Variants in ARID4B observed in about 807,000 individuals in gnomAD.
ARID4B encodes AT-rich interactive domain-containing protein 4B.
A neutral mutation model predicts 147.5 loss-of-function variants in ARID4B; 26 were observed. The ratio of observed to expected loss-of-function variants is 0.18; its 90% CI spans 0.13 to 0.24. ARID4B has a LOEUF of 0.24. Ranked by LOEUF, ARID4B falls within the 10% of genes least tolerant of loss-of-function variation. The pLI is 1.00. For synonymous variants in ARID4B, 512 were observed against 507.9 expected (o/e 1.01, Z -0.11); for missense variants, 1,179 against 1,511.5 (o/e 0.78, Z 3.65).
chr1:235,321,617 T>C (rs934987067), intron 2 of ARID4B, among the ~76,000 whole-genome samples: 4 of 152,000 alleles, frequency 2.6e-5, no homozygotes, highest in African/African-American at 7.3e-5. Flanking sequence ...ACCATTCTCC[T>C]GCCTCAGCGT....
intron 19 of ARID4B, chr1:235,187,167 C>T (rs912874038): frequency 5.1e-5 from 15 of 292,758 alleles, no homozygotes; most frequent in East Asian, 3.7e-4. Context: ...CCGCAACCTC[C>T]GCCTCGTGGG....
intron 19 of ARID4B, among the ~76,000 whole-genome samples, chr1:235,184,628 C>G (rs1664548646): frequency 6.6e-6 from 1 of 152,042 alleles, no homozygotes; most frequent in Non-Finnish European, 1.5e-5. Flanking sequence ...ACCATTTCAC[C>G]TTTACAATGT....
intron 2 of ARID4B, among the ~76,000 whole-genome samples, chr1:235,320,557 C>A (rs1674749341): frequency 6.6e-6 from 1 of 152,220 alleles, no homozygotes; most frequent in African/African-American, 2.4e-5. Context: ...ACCCAGCAGT[C>A]AAACATTTTT....
intron 2 of ARID4B, among the ~76,000 whole-genome samples, chr1:235,322,256 G>A (rs1674895301): frequency 6.6e-6 from 1 of 151,404 alleles, no homozygotes; most frequent in South Asian, 2.1e-4. Flanking sequence ...TAGAACTCAG[G>A]TGATCCACCT....
intron 8 of ARID4B, among the ~76,000 whole-genome samples, chr1:235,235,285 G>C (rs1668481470): frequency 6.6e-6 from 1 of 152,150 alleles, no homozygotes; most frequent in Non-Finnish European, 1.5e-5. Context: ...GTGGCTAAAA[G>C]ACATCCAAAT....
At chr1:235,260,084 CT>C (rs1162111166) in intron 3 of ARID4B, among the ~76,000 whole-genome samples, 3 of 152,174 alleles carry the variant, frequency 2.0e-5, no homozygotes, top group Non-Finnish European at 4.4e-5. Context: ...AATTACACTC[CT>C]TTTTCTATAT....
chr1:235,169,084 A>C (rs1166327960), intron 23 of ARID4B, among the ~76,000 whole-genome samples: 2 of 152,216 alleles, frequency 1.3e-5, no homozygotes, highest in African/African-American at 2.4e-5. Flanking sequence ...GTAAATGGTG[A>C]CAAGAGTGGG....
intron 15 of ARID4B, 115 bp downstream of exon 15, chr1:235,220,186 GA>G: frequency 2.0e-6 from 2 of 993,458 alleles, no homozygotes; most frequent in South Asian, 6.1e-5. Context: ...ACTTAATGAA[GA>G]AAATAAACAA....
intron 13 of ARID4B, among the ~76,000 whole-genome samples, chr1:235,222,061 C>A (rs1254524019): frequency 1.3e-5 from 2 of 151,784 alleles, no homozygotes. Context: ...AGATGCACAC[C>A]ACCACACCTG....
chr1:235,194,906 T>C (rs997382065), intron 18 of ARID4B, among the ~76,000 whole-genome samples: 4 of 152,214 alleles, frequency 2.6e-5, no homozygotes, highest in Non-Finnish European at 4.4e-5. Flanking sequence ...AAATTCCAGG[T>C]ACTTTTGTAA....
At chr1:235,281,366 C>T (rs1337898458) in intron 2 of ARID4B, among the ~76,000 whole-genome samples, 3 of 152,114 alleles carry the variant, frequency 2.0e-5, no homozygotes, top group African/African-American at 4.8e-5. Context: ...GCCTGGCCAA[C>T]GTGGTGAAAC....
intron 19 of ARID4B, chr1:235,190,035 T>A (rs1222559285): frequency 6.5e-6 from 1 of 154,070 alleles, no homozygotes; most frequent in Non-Finnish European, 1.5e-5. Context: ...GATGAAAATA[T>A]ATCTACACAA....
intron 17 of ARID4B, among the ~76,000 whole-genome samples, chr1:235,200,880 A>G (rs181577677): frequency 6.6e-6 from 1 of 152,232 alleles, no homozygotes; most frequent in Non-Finnish European, 1.5e-5. Flanking sequence ...CCGGTGGCTT[A>G]TGCCTGTAAT....
At chr1:235,240,204 T>C in intron 8 of ARID4B, 109 bp downstream of exon 8, 1 of 1,035,250 alleles carries the variant, frequency 9.7e-7, no homozygotes, top group South Asian at 1.8e-5. Context: ...TAAATAATGC[T>C]AAAAACATTT....
intron 23 of ARID4B, among the ~76,000 whole-genome samples, chr1:235,169,230 G>GTTTT (rs551988389): frequency 1.0e-4 from 15 of 147,948 alleles, no homozygotes; most frequent in Admixed American, 3.4e-4. Flanking sequence ...TCCTTTTTTC[G>GTTTT]TTTTTTTTTG....
intron 16 of ARID4B, among the ~76,000 whole-genome samples, chr1:235,218,612 T>C (rs1667244473): frequency 6.6e-6 from 1 of 152,164 alleles, no homozygotes; most frequent in Admixed American, 6.5e-5. Flanking sequence ...TCCATGTTTG[T>C]ATGGTGCCAC....
At chr1:235,274,717 G>C (rs1050207411) in intron 2 of ARID4B, among the ~76,000 whole-genome samples, 3 of 152,160 alleles carry the variant, frequency 2.0e-5, no homozygotes, top group Non-Finnish European at 4.4e-5. Context: ...AAAGGATATA[G>C]AAGAATAAGG....
chr1:235,240,610 C>A, intron 7 of ARID4B, 159 bp from the exon 8 acceptor site: 1 of 689,094 alleles, frequency 1.5e-6, no homozygotes, highest in South Asian at 1.9e-5. Context: ...TAAAAAATAA[C>A]AGCAAGAGTT....
chr1:235,193,954 G>T (rs976786462), intron 19 of ARID4B, 59 bp downstream of exon 19: 12 of 1,338,836 alleles, frequency 9.0e-6, no homozygotes, highest in Non-Finnish European at 1.0e-5. Context: ...TACCTTTATA[G>T]AACTTGACTC....
Sources: allele counts gnomAD v4.1 joint callset (sites outside exome capture counted in the v4.1 genomes callset), GRCh38; gene constraint gnomAD v4.1.1; transcripts MANE v1.5; gene names NCBI Gene and HGNC (gene_info 2026-07-23, HGNC 2026-07-21).